CTNNA2: variants seen among roughly 807,000 people sequenced by gnomAD.
CTNNA2 encodes the protein catenin alpha-2.
Under a neutral mutation model 101.0 loss-of-function variants are expected in CTNNA2, and 42 were observed. The ratio of observed to expected loss-of-function variants is 0.42; its 90% confidence interval spans 0.32 to 0.54. The LOEUF (loss-of-function observed/expected upper bound fraction) is 0.54, where lower values mean the gene tolerates loss of function less well. Among genes scored for constraint, CTNNA2 ranks in the 20% least tolerant of loss-of-function variants. The probability of loss-of-function intolerance (pLI) is 0.14; values close to 1 mark genes in which losing one functional copy is unlikely to be tolerated. For missense variants in CTNNA2, 871 were observed against 1,223.1 expected (o/e 0.71, Z 4.29); for synonymous variants, 450 against 456.4 (o/e 0.99, Z 0.18).
rs373174985 is a variant in CTNNA2, at chr2:79,190,580, G to A, written c.-524+5149G>A. On this transcript the variant is annotated intron_variant, in intron 1 of 21. Transcript: ENST00000466387. ...TGAGGCTGGAAAGTAGACTCCTGCCGTTTAGAAAGATTTTTCTAAGTCTAC... is the reference window on the plus strand; with the variant it reads ...TGAGGCTGGAAAGTAGACTCCTGCCATTTAGAAAGATTTTTCTAAGTCTAC... 1.1e-3 allele frequency among the ~76,000 whole-genome samples: 167 copies of A among 152,080 alleles called. 2 individuals are homozygous for A. The highest frequency in any genetic ancestry group is 3.7e-3 in the African/African-American group (154 of 41,468).
chr2:80,536,753 G>C (rs1345895660), intron 9 of CTNNA2, among the ~76,000 whole-genome samples: 2 of 152,314 alleles, frequency 1.3e-5, no homozygotes, highest in East Asian at 3.9e-4. Flanking sequence ...TCTTGTGAGT[G>C]TTCAAACAAG....
At chr2:80,331,131 A>C (rs2149262927) in intron 7 of CTNNA2, among the ~76,000 whole-genome samples, 1 of 152,088 alleles carries the variant, frequency 6.6e-6, no homozygotes, top group South Asian at 2.1e-4. Flanking sequence ...GCAAAGAAGA[A>C]GTGCAGCCCT....
At chr2:79,930,796 A>G (rs1687390691) in intron 7 of CTNNA2, among the ~76,000 whole-genome samples, 1 of 152,194 alleles carries the variant, frequency 6.6e-6, no homozygotes, top group Non-Finnish European at 1.5e-5. Context: ...TCAAATTAAT[A>G]TTTTACTTCT....
At chr2:79,451,206 G>C (rs893495338) in intron 4 of CTNNA2, among the ~76,000 whole-genome samples, 1 of 152,112 alleles carries the variant, frequency 6.6e-6, no homozygotes, top group African/African-American at 2.4e-5. Flanking sequence ...TGTTGTAACT[G>C]ACTTGAATGA....
chr2:80,067,233 C>A (rs764480760), intron 7 of CTNNA2, among the ~76,000 whole-genome samples: 1 of 151,738 alleles, frequency 6.6e-6, no homozygotes, highest in Admixed American at 6.6e-5. Context: ...GTGTTCGCAT[C>A]ACAAAAAAAT....
At chr2:79,337,096 AC>A (rs1279563941) in intron 3 of CTNNA2, among the ~76,000 whole-genome samples, 1 of 152,216 alleles carries the variant, frequency 6.6e-6, no homozygotes, top group Admixed American at 6.5e-5. Context: ...ACATGGACAG[AC>A]CTGACAAAGG....
At chr2:80,148,364 A>G (rs542119297) in intron 7 of CTNNA2, among the ~76,000 whole-genome samples, 3 of 152,366 alleles carry the variant, frequency 2.0e-5, no homozygotes, top group South Asian at 4.1e-4. Flanking sequence ...TTACAAGTCA[A>G]CAGTCAGGTG....
intron 7 of CTNNA2, among the ~76,000 whole-genome samples, chr2:80,177,698 C>T (rs546675257): frequency 7.9e-5 from 12 of 152,326 alleles, no homozygotes; most frequent in South Asian, 4.1e-4. Context: ...TTGGTGAACA[C>T]GCACATGAGA....
intron 9 of CTNNA2, among the ~76,000 whole-genome samples, chr2:80,460,532 A>G (rs2149471372): frequency 6.6e-6 from 1 of 151,992 alleles, no homozygotes; most frequent in East Asian, 1.9e-4. Flanking sequence ...TGCAAGGTAT[A>G]TTTCCCTCTT....
chr2:80,070,673 C>T (rs1698272835), intron 7 of CTNNA2, among the ~76,000 whole-genome samples: 2 of 150,758 alleles, frequency 1.3e-5, no homozygotes, highest in South Asian at 4.2e-4. Flanking sequence ...GCCATGATCA[C>T]ACCACTGCAC....
intron 2 of CTNNA2, among the ~76,000 whole-genome samples, chr2:79,202,394 C>T (rs1674048628): frequency 6.6e-6 from 1 of 151,476 alleles, no homozygotes; most frequent in South Asian, 2.1e-4. Flanking sequence ...CCAGGCTGAA[C>T]TGAAGTGGTG....
At chr2:80,153,088 C>A (rs116147017) in intron 7 of CTNNA2, among the ~76,000 whole-genome samples, 1 of 152,170 alleles carries the variant, frequency 6.6e-6, no homozygotes, top group Non-Finnish European at 1.5e-5. Flanking sequence ...CAGCACCATC[C>A]GGTGCCAAAT....
Position 80,303,766 on chromosome 2 carries a change from C to T in CTNNA2, c.1057-89445C>T. 1 of 1,570,188 alleles carries T rather than the reference C, an allele frequency of 6.4e-7. No homozygotes were observed. The highest frequency in any genetic ancestry group is 8.6e-7 in the Non-Finnish European group (1 of 1,159,294). ...CCCCCAGCAGACACAAGACCACCCC[C>T]GAGGGCCTCCTCAGCAGCCAGTATA... On this transcript the variant is annotated intron_variant, in intron 7 of 18. Transcript: ENST00000402739. The surrounding 1 kb of genome is among the most constrained non-coding windows in gnomAD (Gnocchi z 7.7).
At chr2:79,853,259 T>A (rs1457035930) in intron 3 of CTNNA2, among the ~76,000 whole-genome samples, 1 of 152,156 alleles carries the variant, frequency 6.6e-6, no homozygotes, top group Admixed American at 6.5e-5. Context: ...GCTTAAGCCA[T>A]CCTCCTGCCT....
intron 1 of CTNNA2, among the ~76,000 whole-genome samples, chr2:79,190,330 T>A (rs189878257): frequency 6.6e-6 from 1 of 152,212 alleles, no homozygotes; most frequent in East Asian, 1.9e-4. Flanking sequence ...CTTAGTTCCC[T>A]GTAGTTTCCT....
chr2:80,103,344 G>T (rs982528962), intron 7 of CTNNA2, among the ~76,000 whole-genome samples: 1 of 152,094 alleles, frequency 6.6e-6, no homozygotes, highest in Admixed American at 6.5e-5. Flanking sequence ...CACAGAAATA[G>T]AATTCTGGTG....
chr2:79,635,361 G>A (rs1212542864), intron 1 of CTNNA2, among the ~76,000 whole-genome samples: 1 of 151,886 alleles, frequency 6.6e-6, no homozygotes, highest in African/African-American at 2.4e-5. Flanking sequence ...GAACCCGGGA[G>A]GTGGAGCTTG....
intron 4 of CTNNA2, among the ~76,000 whole-genome samples, chr2:79,393,653 C>T (rs957926844): frequency 6.2e-5 from 9 of 145,274 alleles, no homozygotes; most frequent in Non-Finnish European, 1.4e-4. Context: ...AAAAAAGCTG[C>T]TCTCCGAAGC....
intron 7 of CTNNA2, among the ~76,000 whole-genome samples, chr2:80,026,894 A>G (rs1694964239): frequency 6.6e-6 from 1 of 152,182 alleles, no homozygotes; most frequent in African/African-American, 2.4e-5. Context: ...AGTCCCTACT[A>G]TGTATTTGAC....
Sources: allele counts gnomAD v4.1 joint callset (sites outside exome capture counted in the v4.1 genomes callset), GRCh38; gene constraint gnomAD v4.1.1; non-coding constraint Gnocchi (gnomAD v3.1); transcripts MANE v1.5; gene names NCBI Gene and HGNC (gene_info 2026-07-23, HGNC 2026-07-21).